The following GRK4 variants were observed in gnomAD, a reference collection of about 807,000 sequenced individuals.
GRK4 encodes G protein-coupled receptor kinase 2-like.
GRK4 carries 73 observed loss-of-function variants against 77.9 expected under a neutral mutation model. That is an observed-to-expected ratio of 0.94 (90% confidence interval 0.78 to 1.14). GRK4 has a LOEUF of 1.14. Among genes scored for constraint, GRK4 ranks in the 50% most tolerant of loss-of-function variants. GRK4 has a pLI of 0.00. For missense variants in GRK4, 729 were observed against 700.2 expected (o/e 1.04, Z -0.46); for synonymous variants, 257 against 254.4 (o/e 1.01, Z -0.10).
At chr4:3,028,416 G>A (rs1186898075) in intron 11 of GRK4, among the ~76,000 whole-genome samples, 1 of 152,236 alleles carries the variant, frequency 6.6e-6, no homozygotes, top group Non-Finnish European at 1.5e-5. Context: ...GAGCCTCGCA[G>A]AGTCCTGCAG....
intron 4 of GRK4, among the ~76,000 whole-genome samples, chr4:3,002,118 G>C (rs781050359): frequency 4.6e-5 from 7 of 152,074 alleles, no homozygotes; most frequent in Non-Finnish European, 7.4e-5. Context: ...GCATCTTTTT[G>C]AGCTGGTAAC....
intron 9 of GRK4, 81 bp from the exon 10 acceptor site, chr4:3,022,333 C>T (rs879196065): frequency 1.4e-5 from 19 of 1,394,324 alleles, no homozygotes; most frequent in East Asian, 9.2e-5. Context: ...CCCTTGCTCA[C>T]GCTGGTTGTT....
chr4:2,976,638 T>C (rs2109466199), intron 1 of GRK4, among the ~76,000 whole-genome samples: 1 of 148,956 alleles, frequency 6.7e-6, no homozygotes, highest in African/African-American at 2.5e-5. Flanking sequence ...TTTCTTTTTT[T>C]TTTTTTTTTT....
intron 2 of GRK4, among the ~76,000 whole-genome samples, chr4:2,985,455 C>T (rs1180885584): frequency 6.0e-5 from 9 of 151,066 alleles, no homozygotes; most frequent in Admixed American, 5.3e-4. Context: ...CCTGTAGGTG[C>T]ACCTACTTAG....
chr4:2,998,141 G>C (rs1438891528), intron 4 of GRK4, among the ~76,000 whole-genome samples: 2 of 152,154 alleles, frequency 1.3e-5, no homozygotes, highest in Non-Finnish European at 1.5e-5. Flanking sequence ...TGGATCACCT[G>C]AGGTCAGGAG....
chr4:3,037,327 GA>G (rs755885969), intron 13 of GRK4, 46 bp from the exon 14 acceptor site: 20 of 1,526,696 alleles, frequency 1.3e-5, no homozygotes, highest in Non-Finnish European at 1.5e-5. Context: ...AGGGAGCTGA[GA>G]ATTGCTGTAG....
At position 2,981,221 on chromosome 4, in the gene GRK4, CCTT is replaced by C. The variant is rs1315823642; in HGVS notation, c.53-3289_53-3287del. Among the ~76,000 whole-genome samples the C allele has an allele frequency of 2.2e-4, 33 of 152,242 alleles. 1 individual carries two copies. Among genetic ancestry groups the C allele is most frequent in the Admixed American group, 2.2e-3 (33 of 15,292 alleles). The stretch of plus-strand genomic sequence containing the variant: ...ACAGCTCTTATCTCCTCTCTTCTCT[CCTT>C]CTCATCACCCACAACGTGGTGAGTT... On this transcript the variant is annotated intron_variant, in intron 1 of 15. Transcript: ENST00000398052.
At chr4:3,011,983 G>A (rs116160559) in intron 7 of GRK4, among the ~76,000 whole-genome samples, 8 of 152,284 alleles carry the variant, frequency 5.3e-5, no homozygotes, top group African/African-American at 1.2e-4. Context: ...TTCCAGCAGC[G>A]TGATCTTGGG....
At chr4:2,999,091 C>G (rs1728797080) in intron 4 of GRK4, among the ~76,000 whole-genome samples, 1 of 152,146 alleles carries the variant, frequency 6.6e-6, no homozygotes, top group Non-Finnish European at 1.5e-5. Flanking sequence ...TTTAGTGCTG[C>G]TCTAACAGAA....
intron 1 of GRK4, among the ~76,000 whole-genome samples, chr4:2,981,942 C>T (rs1722989487): frequency 6.6e-6 from 1 of 152,264 alleles, no homozygotes; most frequent in African/African-American, 2.4e-5. Context: ...TGGCAGGTGG[C>T]TGGTGTGTCA....
In GRK4 at chr4:3,037,482, G is replaced by T. The variant is rs767668126; in HGVS notation, c.1516G>T (p.Gly506Trp). 1.2e-6 allele frequency: 2 copies of T among 1,608,634 alleles called. No homozygotes were observed. Among genetic ancestry groups the T allele is most frequent in the South Asian group, 1.1e-5 (1 of 90,934 alleles). ...AGACTTCTATGCTCGGTTTGCTACC[G>T]GGTGTGTCTCCATCCCCTGGCAGAA... is the stretch of plus-strand genomic sequence containing the variant. ...DEDFYARFAT[G>W]CVSIPWQNEM... The change falls in exon 14 of 16, where the codon GGG becomes TGG. Residue 506 changes from glycine to tryptophan, a missense_variant. Coordinates refer to ENST00000398052, the MANE Select transcript of GRK4 (RefSeq NM_182982.3).
At chr4:2,976,325 A>G (rs1721165826) in intron 1 of GRK4, among the ~76,000 whole-genome samples, 1 of 150,182 alleles carries the variant, frequency 6.7e-6, no homozygotes, top group South Asian at 2.1e-4. Flanking sequence ...TTGACCTCCT[A>G]GGCTCCAGTG....
intron 1 of GRK4, among the ~76,000 whole-genome samples, chr4:2,978,872 C>G (rs1395167794): frequency 6.6e-6 from 1 of 152,016 alleles, no homozygotes; most frequent in Non-Finnish European, 1.5e-5. Flanking sequence ...GTGGGCGGAT[C>G]TCCTGAGTTC....
intron 8 of GRK4, among the ~76,000 whole-genome samples, chr4:3,015,988 A>T (rs2109942641): frequency 6.6e-6 from 1 of 151,002 alleles, no homozygotes; most frequent in South Asian, 2.1e-4. Context: ...GGCTCACTGC[A>T]ACATCCGGCT....
chr4:3,034,627 T>C (rs1740086609), intron 12 of GRK4, among the ~76,000 whole-genome samples: 1 of 152,194 alleles, frequency 6.6e-6, no homozygotes, highest in Non-Finnish European at 1.5e-5. Flanking sequence ...TAAATATGTA[T>C]GTGAGGAATA....
At chr4:3,039,208 T>A (rs1313380662) in intron 15 of GRK4, among the ~76,000 whole-genome samples, 1 of 151,646 alleles carries the variant, frequency 6.6e-6, no homozygotes, top group East Asian at 2.0e-4. Context: ...AGCGCAAGAC[T>A]CCATCTCAAA....
chr4:2,993,668 G>A (rs538864958), intron 4 of GRK4, among the ~76,000 whole-genome samples: 147 of 152,030 alleles, frequency 9.7e-4, no homozygotes, highest in Non-Finnish European at 1.9e-3. Flanking sequence ...GCGAGACTCT[G>A]TCTCAAAACA....
rs199889237 is a variant in GRK4, at chr4:3,040,547, C to G, written c.1684-25C>G. 381 of 1,599,940 alleles carry G rather than the reference C, an allele frequency of 2.4e-4. No homozygotes were observed. In the African/African-American group the frequency reaches 4.6e-3, roughly 19 times the overall value. On this transcript the variant is annotated intron_variant, in intron 15 of 15. Transcript: ENST00000398052. ...TGAAACCTTCGCATCAGCCGTGTGC[C>G]TGAGGCCGCCGCTGTGTGTTGTAGG...
Position 3,013,827 on chromosome 4 carries a change from T to C in GRK4, c.740T>C (p.Val247Ala). Residue 247 changes from valine (V) to alanine (A), a missense_variant and splice_region_variant, in exon 8 of 16, where the codon GTA becomes GCA. Physicochemically the swap from Val to Ala is moderately conservative, Grantham distance 64. Coordinates refer to ENST00000398052, the MANE Select transcript of GRK4 (RefSeq NM_182982.3). ...CTGGAGAAAGTGCAAAGTAGATTCG[T>C]AGTAAGTGTCTCCTCTTAGTCTTCA... The part of the protein sequence containing the change: ...RILEKVQSRF[V>A]VSLAYAYETK... The C allele has an allele frequency of 1.2e-6, 2 of 1,606,492 alleles. No individual in the cohort carries two copies. The highest frequency in any genetic ancestry group is 1.7e-6 in the Non-Finnish European group (2 of 1,177,614).
Sources: gnomAD v4.1 joint callset for allele counts (sites outside exome capture counted in the v4.1 genomes callset) on GRCh38, gnomAD v4.1.1 for gene constraint, MANE v1.5 for transcripts, NCBI Gene and HGNC (gene_info 2026-07-23, HGNC 2026-07-21) for gene names.